Variants in PHKB observed in about 807,000 individuals in gnomAD.
PHKB encodes phosphorylase kinase regulatory subunit beta.
In PHKB, 122 loss-of-function variants were observed where a neutral mutation model predicts 152.1. The observed-to-expected ratio is 0.80, with a 90% CI of 0.69 to 0.93. PHKB has a LOEUF of 0.93. PHKB is among the 40% of genes least tolerant of loss of function. The pLI is 0.00. For missense variants in PHKB, 1,304 were observed against 1,328.4 expected (o/e 0.98, Z 0.29); for synonymous variants, 436 against 464.9 (o/e 0.94, Z 0.80).
chr16:47,624,729 C>G (rs1972679412), intron 14 of PHKB, among the ~76,000 whole-genome samples: 1 of 152,172 alleles, frequency 6.6e-6, no homozygotes, highest in East Asian at 1.9e-4. Flanking sequence ...TCTCAAGGGC[C>G]TGTCTTACTT....
chr16:47,466,357 T>G (rs1404634428), intron 1 of PHKB, among the ~76,000 whole-genome samples: 2 of 152,252 alleles, frequency 1.3e-5, no homozygotes, highest in African/African-American at 4.8e-5. Flanking sequence ...GTTTCTCATG[T>G]GGCCACTACA....
intron 16 of PHKB, among the ~76,000 whole-genome samples, chr16:47,647,720 A>G (rs576254482): frequency 6.6e-6 from 1 of 150,706 alleles, no homozygotes; most frequent in East Asian, 2.0e-4. Flanking sequence ...GGTGGTCTCG[A>G]TCTCCTGACC....
At chr16:47,604,840 T>A (rs1261685352) in intron 13 of PHKB, among the ~76,000 whole-genome samples, 4 of 152,224 alleles carry the variant, frequency 2.6e-5, no homozygotes, top group African/African-American at 9.6e-5. Context: ...TATCTCCATT[T>A]TGTAGAAATT....
chr16:47,566,612 G>T, intron 7 of PHKB: 3 of 1,338,530 alleles, frequency 2.2e-6, no homozygotes, highest in Non-Finnish European at 2.1e-6. Context: ...AAGCAATGTA[G>T]GGTGACAATT....
At chr16:47,601,597 C>T (rs1044875538) in intron 13 of PHKB, among the ~76,000 whole-genome samples, 1 of 151,882 alleles carries the variant, frequency 6.6e-6, no homozygotes, top group African/African-American at 2.4e-5. Context: ...CCCAATTACT[C>T]AGGAGGCTGA....
At chr16:47,504,021 G>A (rs967992966) in intron 4 of PHKB, among the ~76,000 whole-genome samples, 1 of 152,020 alleles carries the variant, frequency 6.6e-6, no homozygotes, top group Non-Finnish European at 1.5e-5. Context: ...AATGCATATG[G>A]GTCCCTAAGA....
At chr16:47,591,754 G>T (rs1283977339) in intron 10 of PHKB, among the ~76,000 whole-genome samples, 1 of 152,058 alleles carries the variant, frequency 6.6e-6, no homozygotes, top group Non-Finnish European at 1.5e-5. Context: ...TCCTCGCTTA[G>T]ATGTCTTACA....
intron 1 of PHKB, among the ~76,000 whole-genome samples, chr16:47,487,360 T>C (rs1970066093): frequency 6.6e-6 from 1 of 152,184 alleles, no homozygotes; most frequent in South Asian, 2.1e-4. Flanking sequence ...TAAAATATTA[T>C]GTCTGTGAGA....
At chr16:47,566,963 G>A (rs938685338) in intron 7 of PHKB, 15 of 517,480 alleles carry the variant, frequency 2.9e-5, no homozygotes, top group Non-Finnish European at 5.2e-5. Flanking sequence ...GGCTTTGTGT[G>A]TCTATTTTTG....
chr16:47,677,944 G>A (rs1450216794), intron 26 of PHKB, among the ~76,000 whole-genome samples: 42 of 112,620 alleles, frequency 3.7e-4, no homozygotes, highest in African/African-American at 1.1e-3. Flanking sequence ...AACAGTCCCC[G>A]GAGTGTGATA....
At chr16:47,474,808 T>C (rs1969840348) in intron 1 of PHKB, among the ~76,000 whole-genome samples, 1 of 151,948 alleles carries the variant, frequency 6.6e-6, no homozygotes, top group Non-Finnish European at 1.5e-5. Context: ...CACTGCAACC[T>C]CCATCTCCCA....
At chr16:47,494,059 G>C (rs555492822) in intron 1 of PHKB, among the ~76,000 whole-genome samples, 1 of 152,248 alleles carries the variant, frequency 6.6e-6, no homozygotes, top group East Asian at 1.9e-4. Flanking sequence ...ATCCCAACAG[G>C]GGCCTTAGCA....
chr16:47,547,069 G>A (rs1191067749), intron 6 of PHKB, among the ~76,000 whole-genome samples: 1 of 152,182 alleles, frequency 6.6e-6, no homozygotes, highest in Non-Finnish European at 1.5e-5. Context: ...CCTGGGTGAA[G>A]CGATGCCCCA....
At chr16:47,694,782 A>G (rs895483491) in intron 28 of PHKB, among the ~76,000 whole-genome samples, 12 of 152,112 alleles carry the variant, frequency 7.9e-5, no homozygotes, top group Admixed American at 6.5e-4. Context: ...CTGTCTGCCT[A>G]CCTGGGCAGT....
chr16:47,637,077 C>T (rs1167297903), intron 14 of PHKB, among the ~76,000 whole-genome samples: 5 of 152,178 alleles, frequency 3.3e-5, no homozygotes, highest in African/African-American at 1.2e-4. Context: ...CTTCAGGTCT[C>T]CTTGACTCAT....
intron 1 of PHKB, among the ~76,000 whole-genome samples, chr16:47,493,189 T>G (rs1257913114): frequency 6.6e-6 from 1 of 151,994 alleles, no homozygotes; most frequent in Non-Finnish European, 1.5e-5. Context: ...ATGCTTGCTG[T>G]CTCATTCCTG....
At chr16:47,620,585 A>C (rs1192400300) in intron 14 of PHKB, among the ~76,000 whole-genome samples, 1 of 152,118 alleles carries the variant, frequency 6.6e-6, no homozygotes, top group African/African-American at 2.4e-5. Flanking sequence ...TGGAGTAAAG[A>C]GATGTTCTGG....
intron 7 of PHKB, among the ~76,000 whole-genome samples, chr16:47,569,433 G>A (rs1971621102): frequency 6.6e-6 from 1 of 152,134 alleles, no homozygotes; most frequent in Non-Finnish European, 1.5e-5. Context: ...GGCAGCAGAT[G>A]TTTGGTCTGT....
At chr16:47,591,642 T>C (rs1972030768) in intron 10 of PHKB, among the ~76,000 whole-genome samples, 1 of 152,162 alleles carries the variant, frequency 6.6e-6, no homozygotes, top group Non-Finnish European at 1.5e-5. Flanking sequence ...ATTCTGGCTG[T>C]GAACTCTTAG....
Sources: gnomAD v4.1 joint callset for allele counts (sites outside exome capture counted in the v4.1 genomes callset) on GRCh38, gnomAD v4.1.1 for gene constraint, MANE v1.5 for transcripts, NCBI Gene and HGNC (gene_info 2026-07-23, HGNC 2026-07-21) for gene names.